The following HMCN1 variants were observed in gnomAD, a reference collection of about 807,000 sequenced individuals.
HMCN1 encodes hemicentin 1.
A neutral mutation model predicts 625.9 loss-of-function variants in HMCN1; 321 were observed. The observed-to-expected ratio is 0.51, with a 90% CI of 0.47 to 0.56. The LOEUF is 0.56. Among genes scored for constraint, HMCN1 ranks in the 20% least tolerant of loss-of-function variants. The pLI is 0.00. For synonymous variants in HMCN1, 2,425 were observed against 2,417.6 expected (o/e 1.00, Z -0.09); for missense variants, 6,588 against 6,887.3 (o/e 0.96, Z 1.54).
At chr1:185,995,154 A>T in intron 24 of HMCN1, 67 bp downstream of exon 24, 2 of 1,402,480 alleles carry the variant, frequency 1.4e-6, no homozygotes, top group Non-Finnish European at 2.0e-6. Flanking sequence ...CTAGAGCTAA[A>T]TAGATTATCT....
intron 4 of HMCN1, among the ~76,000 whole-genome samples, chr1:185,882,541 A>ATATGG (rs1664373561): frequency 6.6e-6 from 1 of 152,048 alleles, no homozygotes; most frequent in Admixed American, 6.6e-5. Flanking sequence ...AAAAACATTG[A>ATATGG]TATGGGTAGT....
At chr1:185,875,916 A>C (rs1207883592) in intron 4 of HMCN1, among the ~76,000 whole-genome samples, 2 of 151,580 alleles carry the variant, frequency 1.3e-5, no homozygotes, top group Non-Finnish European at 2.9e-5. Flanking sequence ...ACATTATCCT[A>C]CTTTATTTTT....
At position 186,114,840 on chromosome 1, in the gene HMCN1, A is replaced by T. The variant is rs1161563844; in HGVS notation, c.11298A>T (p.Gly3766=). The change falls in exon 74 of 107, where the codon GGA becomes GGT. Residue 3766 remains glycine, a synonymous_variant. Transcript: ENST00000271588. ...GTAGATATTCCATCTTGGAAAATGG[A>T]TTCCTTCATATTCAATCAGCACATG... is the stretch of plus-strand genomic sequence containing the variant. The part of the protein sequence containing the change: ...NHARYSILEN[G]FLHIQSAHVT... The T allele has an allele frequency of 5.6e-6, 9 of 1,613,752 alleles. No individual in the cohort carries two copies. The highest frequency in any genetic ancestry group is 7.6e-6 in the Non-Finnish European group (9 of 1,179,786).
chr1:186,173,371 T>TA (rs1356636315), intron 102 of HMCN1, among the ~76,000 whole-genome samples: 2 of 152,126 alleles, frequency 1.3e-5, no homozygotes, highest in Non-Finnish European at 2.9e-5. Flanking sequence ...TTTCAGCTCT[T>TA]ACACTATAGA....
At chr1:185,835,220 T>G (rs1661094445) in intron 1 of HMCN1, among the ~76,000 whole-genome samples, 1 of 152,178 alleles carries the variant, frequency 6.6e-6, no homozygotes, top group Non-Finnish European at 1.5e-5. Flanking sequence ...AGGAGAAGCA[T>G]GGGAATTGGG....
chr1:185,920,742 C>G (rs186068593), intron 6 of HMCN1, among the ~76,000 whole-genome samples: 1 of 152,138 alleles, frequency 6.6e-6, no homozygotes, highest in East Asian at 1.9e-4. Flanking sequence ...GATTTATGCA[C>G]AGAACACTTG....
intron 1 of HMCN1, among the ~76,000 whole-genome samples, chr1:185,821,415 C>G (rs147461713): frequency 6.6e-6 from 1 of 152,006 alleles, no homozygotes; most frequent in Non-Finnish European, 1.5e-5. Context: ...AACTCATACT[C>G]GTATTCTGTC....
chr1:185,912,673 A>G (rs1311866657), intron 6 of HMCN1, among the ~76,000 whole-genome samples: 1 of 151,946 alleles, frequency 6.6e-6, no homozygotes. Flanking sequence ...TGAGGAATTA[A>G]CACCCCTCGG....
In HMCN1 at chr1:186,174,661, G is replaced by A. The variant is rs369711033; in HGVS notation, c.15943+19G>A. ...TGCATGGGTAAGTTAATAGGAACTT[G>A]TTGAGCAATAAAGCTACTGATGTAG... On this transcript the variant is annotated intron_variant, in intron 103 of 106. Transcript: ENST00000271588. 1 of 1,613,638 alleles carries A rather than the reference G, an allele frequency of 6.2e-7. No homozygotes were observed.
At chr1:185,778,966 T>C (rs1656836430) in intron 1 of HMCN1, among the ~76,000 whole-genome samples, 1 of 152,196 alleles carries the variant, frequency 6.6e-6, no homozygotes, top group Non-Finnish European at 1.5e-5. Context: ...CCACCAACAG[T>C]GTAAAAGTGT....
chr1:186,048,952 A>G (rs1558175197), intron 42 of HMCN1, 113 bp downstream of exon 42: 3 of 706,338 alleles, frequency 4.2e-6, no homozygotes, highest in Non-Finnish European at 5.1e-6. Flanking sequence ...ATGAACAACA[A>G]TTAGTACATT....
intron 1 of HMCN1, among the ~76,000 whole-genome samples, chr1:185,743,754 A>G (rs1486433144): frequency 6.6e-6 from 1 of 152,200 alleles, no homozygotes; most frequent in Non-Finnish European, 1.5e-5. Flanking sequence ...TGATGCTATC[A>G]GTTTTTCCTA....
At chr1:185,942,852 A>G (rs1371535430) in intron 11 of HMCN1, among the ~76,000 whole-genome samples, 1 of 152,184 alleles carries the variant, frequency 6.6e-6, no homozygotes, top group Non-Finnish European at 1.5e-5. Flanking sequence ...AAGGGTTCCC[A>G]TAACCACTTA....
At chr1:186,136,045 G>T (rs968232187) in intron 86 of HMCN1, among the ~76,000 whole-genome samples, 6 of 152,032 alleles carry the variant, frequency 3.9e-5, no homozygotes, top group African/African-American at 1.4e-4. Context: ...GCGTGGTGGC[G>T]GGTGCCTGTA....
Position 186,166,251 on chromosome 1 carries a change from C to G in HMCN1, c.15387C>G (p.Tyr5129Ter), listed in dbSNP as rs188257274. The G allele has an allele frequency of 6.2e-7, 1 of 1,614,028 alleles. No individual in the cohort carries two copies. The highest frequency in any genetic ancestry group is 1.3e-5 in the African/African-American group (1 of 74,940). Reference protein sequence around the residue: ...HSCHNAMGTYYCSCPKGLTIA... With the variant: ...HSCHNAMGTY The stretch of plus-strand genomic sequence containing the variant: ...GCCACAATGCCATGGGGACTTACTA[C>G]TGCTCCTGCCCTAAAGGCCTCACCA... Residue 5129 changes from tyrosine (Y) to a stop codon, truncating the protein, a stop_gained, in exon 99 of 107, where the codon TAC becomes TAG. Coordinates refer to ENST00000271588, the MANE Select transcript of HMCN1 (RefSeq NM_031935.3). LOFTEE classifies it high-confidence loss of function.
intron 28 of HMCN1, among the ~76,000 whole-genome samples, chr1:186,002,204 C>G (rs1365124412): frequency 6.6e-6 from 1 of 152,008 alleles, no homozygotes; most frequent in Admixed American, 6.6e-5. Flanking sequence ...GTAACTAAGT[C>G]AGTCCTGATT....
chr1:185,781,232 T>C (rs969457938), intron 1 of HMCN1, among the ~76,000 whole-genome samples: 5 of 152,198 alleles, frequency 3.3e-5, no homozygotes, highest in Non-Finnish European at 7.3e-5. Context: ...ATTTGATTCT[T>C]CTCTCTTTTC....
Position 185,989,508 on chromosome 1 carries a change from C to T in HMCN1, c.3069C>T (p.Thr1023=), listed in dbSNP as rs750159902. The change falls in exon 21 of 107, where the codon ACC becomes ACT. Residue 1023 remains threonine (T), a synonymous_variant. Coordinates refer to ENST00000271588, the MANE Select transcript of HMCN1 (RefSeq NM_031935.3). The part of the protein sequence containing the change: ...IWSKKGELIS[T]SSAKFSAGAD... ...TGCAGAAAGGAGAGCTGATTTCAAC[C>T]AGCAGTGCTAAGTTTTCAGCAGGAG... The T allele has an allele frequency of 4.3e-6, 7 of 1,613,992 alleles. No individual in the cohort carries two copies. Among genetic ancestry groups the T allele is most frequent in the Non-Finnish European group, 5.9e-6 (7 of 1,179,980 alleles).
At chr1:185,832,479 T>C (rs764073539) in intron 1 of HMCN1, among the ~76,000 whole-genome samples, 2 of 152,122 alleles carry the variant, frequency 1.3e-5, no homozygotes, top group Non-Finnish European at 2.9e-5. Context: ...TGGATTAGTA[T>C]ATAGAATACA....
Sources: gnomAD v4.1 joint callset for allele counts (sites outside exome capture counted in the v4.1 genomes callset) on GRCh38, gnomAD v4.1.1 for gene constraint, MANE v1.5 for transcripts, NCBI Gene and HGNC (gene_info 2026-07-23, HGNC 2026-07-21) for gene names.